The following ROBO2 variants were observed in gnomAD, a reference collection of about 807,000 sequenced individuals.
ROBO2 encodes the protein roundabout homolog 2.
ROBO2 carries 53 observed loss-of-function variants against 160.8 expected under a neutral mutation model. The ratio of observed to expected loss-of-function variants is 0.33; its 90% CI spans 0.26 to 0.41. The LOEUF is 0.41. ROBO2 is among the 10% of genes least tolerant of loss of function. ROBO2 has a pLI of 1.00. For synonymous variants in ROBO2, 664 were observed against 611.7 expected (o/e 1.09, Z -1.26); for missense variants, 1,577 against 1,722.4 (o/e 0.92, Z 1.49).
chr3:77,120,377 G>A (rs1267553052), intron 2 of ROBO2, among the ~76,000 whole-genome samples: 2 of 152,154 alleles, frequency 1.3e-5, no homozygotes, highest in Admixed American at 6.6e-5. Context: ...AATGTGTCCT[G>A]AAGAGATTCA....
intron 2 of ROBO2, among the ~76,000 whole-genome samples, chr3:77,110,080 A>G (rs2073368660): frequency 6.6e-6 from 1 of 152,180 alleles, no homozygotes; most frequent in South Asian, 2.1e-4. Context: ...TCATTAGTTT[A>G]TTCCAGTAAT....
At chr3:77,591,411 T>C (rs950001604) in intron 17 of ROBO2, among the ~76,000 whole-genome samples, 2 of 152,144 alleles carry the variant, frequency 1.3e-5, no homozygotes, top group African/African-American at 4.8e-5. Context: ...TGTTTTCTCC[T>C]CCTCTACCCC....
At chr3:77,143,805 C>T (rs565742385) in intron 2 of ROBO2, among the ~76,000 whole-genome samples, 1 of 151,878 alleles carries the variant, frequency 6.6e-6, no homozygotes, top group East Asian at 1.9e-4. Flanking sequence ...ATTTCTTGCC[C>T]ATTTTTTTTT....
chr3:76,020,591 C>T (rs546452145), intron 2 of ROBO2, among the ~76,000 whole-genome samples: 22 of 151,836 alleles, frequency 1.4e-4, no homozygotes, highest in Admixed American at 4.0e-4. Context: ...AACATAGGGA[C>T]CTTAGAATTA....
chr3:76,567,632 T>TATATATATATAC (rs1553805628), intron 2 of ROBO2, among the ~76,000 whole-genome samples: 12 of 79,092 alleles, frequency 1.5e-4, no homozygotes, highest in Non-Finnish European at 2.4e-4. Context: ...TATATATATA[T>TATATATATATAC]ATATATATAT....
intron 2 of ROBO2, among the ~76,000 whole-genome samples, chr3:77,001,707 A>G (rs2061343120): frequency 6.6e-6 from 1 of 152,178 alleles, no homozygotes; most frequent in Non-Finnish European, 1.5e-5. Flanking sequence ...TCCTCATAAT[A>G]TCAAACTCAA....
chr3:77,594,387 A>G (rs1046530355), intron 17 of ROBO2, among the ~76,000 whole-genome samples: 2 of 152,092 alleles, frequency 1.3e-5, no homozygotes, highest in African/African-American at 4.8e-5. Flanking sequence ...ATCCACTTTC[A>G]TGTTGTTAGG....
intron 2 of ROBO2, among the ~76,000 whole-genome samples, chr3:77,362,910 C>G (rs1282654654): frequency 6.6e-6 from 1 of 152,080 alleles, no homozygotes; most frequent in Admixed American, 6.6e-5. Flanking sequence ...ATCAGGAGAA[C>G]AGCACAGGAA....
At chr3:76,032,408 G>A (rs1278638410) in intron 2 of ROBO2, among the ~76,000 whole-genome samples, 1 of 151,988 alleles carries the variant, frequency 6.6e-6, no homozygotes, top group African/African-American at 2.4e-5. Context: ...GCTTTTGAAT[G>A]TGTTTGCTCT....
At chr3:76,999,296 A>G (rs1196160358) in intron 2 of ROBO2, among the ~76,000 whole-genome samples, 6 of 152,112 alleles carry the variant, frequency 3.9e-5, no homozygotes, top group Non-Finnish European at 1.5e-5. Context: ...GAATCTGACC[A>G]TAAGTAAGAG....
chr3:77,106,074 G>T (rs2072753324), intron 2 of ROBO2, among the ~76,000 whole-genome samples: 1 of 152,012 alleles, frequency 6.6e-6, no homozygotes. Context: ...ATGGAGTCTG[G>T]CTCAGTCACC....
At chr3:76,452,324 C>T (rs2077516864) in intron 2 of ROBO2, among the ~76,000 whole-genome samples, 1 of 152,032 alleles carries the variant, frequency 6.6e-6, no homozygotes, top group African/African-American at 2.4e-5. Flanking sequence ...CTATCCCTCC[C>T]CCTTCCCCCC....
intron 2 of ROBO2, among the ~76,000 whole-genome samples, chr3:77,102,847 T>TGCA (rs2072174062): frequency 8.2e-6 from 1 of 121,256 alleles, no homozygotes; most frequent in Non-Finnish European, 1.8e-5. Flanking sequence ...TTTCTTAGTT[T>TGCA]GCAAAAAAAA....
At chr3:76,324,781 T>C (rs1246349900) in intron 2 of ROBO2, among the ~76,000 whole-genome samples, 1 of 152,230 alleles carries the variant, frequency 6.6e-6, no homozygotes, top group Admixed American at 6.5e-5. Context: ...ATTTCTCTGT[T>C]ACCTAATATA....
At chr3:76,558,090 T>A (rs1054420280) in intron 2 of ROBO2, among the ~76,000 whole-genome samples, 3 of 152,162 alleles carry the variant, frequency 2.0e-5, no homozygotes, top group Non-Finnish European at 4.4e-5. Context: ...ATATTCAAGA[T>A]AAACCCAGCT....
intron 2 of ROBO2, among the ~76,000 whole-genome samples, chr3:77,256,266 TA>T (rs2058405411): frequency 6.6e-6 from 1 of 152,210 alleles, no homozygotes; most frequent in Non-Finnish European, 1.5e-5. Flanking sequence ...GATCATTCTA[TA>T]AATGTAATAA....
intron 2 of ROBO2, among the ~76,000 whole-genome samples, chr3:76,711,953 T>A (rs2093302701): frequency 6.6e-6 from 1 of 152,172 alleles, no homozygotes; most frequent in Non-Finnish European, 1.5e-5. Flanking sequence ...TTTGTCCTGA[T>A]TATTTGTTAA....
intron 2 of ROBO2, among the ~76,000 whole-genome samples, chr3:76,548,241 T>C (rs999690945): frequency 6.6e-6 from 1 of 152,136 alleles, no homozygotes; most frequent in Non-Finnish European, 1.5e-5. Flanking sequence ...CAAACAGTCA[T>C]TGAAAGCTTA....
exon 1 of ROBO2, chr3:77,040,668 A>G: frequency 6.3e-7 from 1 of 1,587,146 alleles, no homozygotes; most frequent in Non-Finnish European, 8.5e-7. Flanking sequence ...CTTGACTTTA[A>G]TTAGTATCTA....
Sources: gnomAD v4.1 joint callset for allele counts (sites outside exome capture counted in the v4.1 genomes callset) on GRCh38, gnomAD v4.1.1 for gene constraint, MANE v1.5 for transcripts, NCBI Gene and HGNC (gene_info 2026-07-23, HGNC 2026-07-21) for gene names.